The following STK3 variants were observed in gnomAD, a reference collection of about 807,000 sequenced individuals.
The protein encoded by STK3 is serine/threonine kinase 3.
In STK3, 41 loss-of-function variants were observed where a neutral mutation model predicts 58.0. The observed-to-expected ratio is 0.71, with a 90% CI of 0.55 to 0.92. STK3 has a LOEUF of 0.92. Among genes scored for constraint, STK3 ranks in the 40% least tolerant of loss-of-function variants. STK3 has a pLI of 0.00. For synonymous variants in STK3, 170 were observed against 191.0 expected (o/e 0.89, Z 0.91); for missense variants, 479 against 602.7 (o/e 0.79, Z 2.15).
chr8:98,589,762 T>C (rs552284082), intron 7 of STK3, among the ~76,000 whole-genome samples: 4 of 152,314 alleles, frequency 2.6e-5, no homozygotes, highest in African/African-American at 2.4e-5. Context: ...TCCGTGGGCA[T>C]AGGACCCTCT....
intron 1 of STK3, among the ~76,000 whole-genome samples, chr8:98,930,807 G>A (rs895512128): frequency 3.9e-5 from 6 of 152,184 alleles, no homozygotes; most frequent in Admixed American, 3.9e-4. Context: ...TAACTTCAAA[G>A]CTTAATTGTC....
intron 7 of STK3, among the ~76,000 whole-genome samples, chr8:98,588,492 T>C (rs1814895125): frequency 6.6e-6 from 1 of 151,816 alleles, no homozygotes; most frequent in Admixed American, 6.6e-5. Context: ...GGGCTTCCCT[T>C]TGAGGGTAAC....
chr8:98,478,941 T>C (rs1267787618), intron 10 of STK3, among the ~76,000 whole-genome samples: 1 of 152,238 alleles, frequency 6.6e-6, no homozygotes, highest in Non-Finnish European at 1.5e-5. Flanking sequence ...TCTCTCCCTA[T>C]GTTCCTGATG....
At chr8:98,681,781 G>A (rs1823660292) in intron 6 of STK3, among the ~76,000 whole-genome samples, 2 of 152,154 alleles carry the variant, frequency 1.3e-5, no homozygotes, top group African/African-American at 4.8e-5. Context: ...AATTTCTTGA[G>A]TAGCTGGAGT....
At position 98,679,394 on chromosome 8, in the gene STK3, T is replaced by C. The variant is rs550341921; in HGVS notation, c.684+27073A>G. Among the ~76,000 whole-genome samples, 3 of 152,334 alleles carry C rather than the reference T, an allele frequency of 2.0e-5. No individual in the cohort carries two copies. The South Asian group carries it at 6.2e-4, about 32-fold the overall frequency. On this transcript the variant is annotated intron_variant, in intron 6 of 10. Coordinates refer to ENST00000419617, the MANE Select transcript of STK3 (RefSeq NM_006281.4). ...TCTTCAGCTTTTTATTCCAGTATCA[T>C]CTTCTCAATGAGGCCTTCACTGGCA...
At chr8:98,875,765 T>G (rs1450403392) in intron 3 of STK3, 1 of 152,242 alleles carries the variant, frequency 6.6e-6, no homozygotes, top group Non-Finnish European at 1.5e-5. Flanking sequence ...CAAATTGTCC[T>G]GCTAAGTAAA....
chr8:98,680,564 A>C (rs1356641362), intron 6 of STK3, among the ~76,000 whole-genome samples: 6 of 152,104 alleles, frequency 3.9e-5, no homozygotes, highest in East Asian at 1.9e-4. Context: ...AGAAGTCAGA[A>C]GCAATAAGAA....
At chr8:98,527,564 G>A (rs1371220264) in intron 9 of STK3, among the ~76,000 whole-genome samples, 1 of 152,076 alleles carries the variant, frequency 6.6e-6, no homozygotes, top group Admixed American at 6.6e-5. Flanking sequence ...AGGCTGCAGT[G>A]AGCTATGATT....
intron 1 of STK3, among the ~76,000 whole-genome samples, chr8:98,820,359 T>G (rs747228896): frequency 6.6e-6 from 1 of 152,166 alleles, no homozygotes; most frequent in Non-Finnish European, 1.5e-5. Context: ...TTTTAGTGTT[T>G]TCATTGTTCA....
chr8:98,625,980 C>A (rs1818684087), intron 6 of STK3, among the ~76,000 whole-genome samples: 1 of 152,184 alleles, frequency 6.6e-6, no homozygotes, highest in South Asian at 2.1e-4. Flanking sequence ...GAACCATCTA[C>A]CACGTCATGG....
intron 10 of STK3, among the ~76,000 whole-genome samples, chr8:98,497,355 T>C (rs1424994665): frequency 1.3e-5 from 2 of 152,032 alleles, no homozygotes; most frequent in East Asian, 1.9e-4. Flanking sequence ...TGGACGAACA[T>C]GTAAGTGTAA....
chr8:98,796,245 A>C (rs1029211181), intron 1 of STK3, among the ~76,000 whole-genome samples: 1 of 152,216 alleles, frequency 6.6e-6, no homozygotes, highest in African/African-American at 2.4e-5. Flanking sequence ...TTCAAACTAT[A>C]CTATAAGGCT....
chr8:98,744,755 C>A (rs1156894630), intron 4 of STK3, among the ~76,000 whole-genome samples: 1 of 151,980 alleles, frequency 6.6e-6, no homozygotes, highest in African/African-American at 2.4e-5. Context: ...AAACATATTT[C>A]TGTTGCAGAA....
intron 1 of STK3, chr8:98,437,570 T>C (rs2131088133): frequency 6.6e-6 from 1 of 152,334 alleles, no homozygotes; most frequent in South Asian, 2.1e-4. Context: ...TCTCCAGACA[T>C]TTAAAGATTT....
the STK3 span, among the ~76,000 whole-genome samples, chr8:98,360,472 C>T: frequency 6.6e-6 from 1 of 152,072 alleles, no homozygotes; most frequent in African/African-American, 2.4e-5. Context: ...TTCCTTTCTC[C>T]AAGGCTACGA....
At chr8:98,799,430 A>G (rs1043756745) in intron 1 of STK3, among the ~76,000 whole-genome samples, 2 of 151,996 alleles carry the variant, frequency 1.3e-5, no homozygotes, top group African/African-American at 4.8e-5. Context: ...GTCACAGAGA[A>G]AGAGAGAGAC....
intron 10 of STK3, 54 bp downstream of exon 10, chr8:98,526,688 G>T (rs991554378): frequency 2.9e-6 from 4 of 1,392,350 alleles, no homozygotes; most frequent in Middle Eastern, 1.9e-4. Context: ...TTCTCAATTT[G>T]ATGATAAAAT....
intron 3 of STK3, among the ~76,000 whole-genome samples, chr8:98,753,497 G>A (rs1005514333): frequency 1.3e-5 from 2 of 152,030 alleles, no homozygotes; most frequent in Non-Finnish European, 2.9e-5. Context: ...GGAGGGAGAG[G>A]ATCAGGAAAA....
chr8:98,776,284 A>G (rs975763654), intron 1 of STK3, among the ~76,000 whole-genome samples: 1 of 152,078 alleles, frequency 6.6e-6, no homozygotes, highest in Non-Finnish European at 1.5e-5. Flanking sequence ...ATGGGTCACT[A>G]GGGACATCTT....
Sources: gnomAD v4.1 joint callset for allele counts (sites outside exome capture counted in the v4.1 genomes callset) on GRCh38, gnomAD v4.1.1 for gene constraint, MANE v1.5 for transcripts, NCBI Gene and HGNC (gene_info 2026-07-23, HGNC 2026-07-21) for gene names.